Variants in AKAP9 observed in about 807,000 individuals in gnomAD.
AKAP9 encodes A-kinase anchoring protein 9.
Under a neutral mutation model 488.5 loss-of-function variants are expected in AKAP9, and 311 were observed. The ratio of observed to expected loss-of-function variants is 0.64; its 90% CI spans 0.58 to 0.70. The LOEUF (loss-of-function observed/expected upper bound fraction) is 0.70, where lower values mean the gene tolerates loss of function less well. AKAP9 is among the 30% of genes least tolerant of loss of function. AKAP9 has a pLI of 0.00. For synonymous variants in AKAP9, 1,462 were observed against 1,483.5 expected (o/e 0.99, Z 0.33); for missense variants, 4,215 against 4,374.5 (o/e 0.96, Z 1.03).
intron 8 of AKAP9, among the ~76,000 whole-genome samples, chr7:92,003,439 A>G (rs1168618954): frequency 6.6e-6 from 1 of 151,922 alleles, no homozygotes; most frequent in Non-Finnish European, 1.5e-5. Flanking sequence ...CTTTCAGTTA[A>G]TCTATCTTGT....
At chr7:92,017,350 A>G (rs1332211233) in intron 12 of AKAP9, among the ~76,000 whole-genome samples, 1 of 152,084 alleles carries the variant, frequency 6.6e-6, no homozygotes, top group Non-Finnish European at 1.5e-5. Flanking sequence ...TCAACTTGTA[A>G]ACTGTGTGAA....
intron 12 of AKAP9, among the ~76,000 whole-genome samples, chr7:92,019,245 G>A (rs1237646837): frequency 4.6e-5 from 7 of 151,422 alleles, no homozygotes; most frequent in Admixed American, 1.3e-4. Context: ...AGGTTCAAGC[G>A]ATTCTCCTGC....
Position 92,083,663 on chromosome 7 carries a change from GT to G in AKAP9, c.8646+13del, listed in dbSNP as rs768069915. 9.9e-6 allele frequency: 16 copies of G among 1,609,244 alleles called. No individual in the cohort carries two copies. Among genetic ancestry groups the G allele is most frequent in the Non-Finnish European group, 1.4e-5 (16 of 1,178,990 alleles). On this transcript the variant is annotated intron_variant, in intron 33 of 49. Transcript: ENST00000356239. ...TGTCTGAGAAGTAAAGAGGTATTTG[GT>G]TTTTATAATATGTGTTTTTCAACAT... is the stretch of plus-strand genomic sequence containing the variant.
intron 21 of AKAP9, 95 bp downstream of exon 21, chr7:92,045,308 A>T: frequency 8.2e-7 from 1 of 1,216,114 alleles, no homozygotes; most frequent in Non-Finnish European, 1.2e-6. Flanking sequence ...AGAGAAAATA[A>T]GTATTTTCCA....
intron 22 of AKAP9, among the ~76,000 whole-genome samples, chr7:92,060,617 ATC>A (rs1809602993): frequency 6.6e-6 from 1 of 152,148 alleles, no homozygotes; most frequent in Non-Finnish European, 1.5e-5. Context: ...ATTTTAAGGA[ATC>A]TGTGTTTATG....
At chr7:92,076,184 T>C (rs1003537697) in intron 28 of AKAP9, among the ~76,000 whole-genome samples, 15 of 152,226 alleles carry the variant, frequency 9.9e-5, no homozygotes, top group African/African-American at 3.6e-4. Context: ...TTTCAGTCTC[T>C]AACCATCAAA....
At chr7:92,072,649 A>G (rs1024797082) in intron 28 of AKAP9, among the ~76,000 whole-genome samples, 13 of 152,182 alleles carry the variant, frequency 8.5e-5, no homozygotes, top group African/African-American at 3.1e-4. Flanking sequence ...AGAACTCTAA[A>G]AGAAAGGAGT....
intron 12 of AKAP9, 40 bp downstream of exon 12, chr7:92,017,142 T>C: frequency 7.1e-7 from 1 of 1,417,726 alleles, no homozygotes; most frequent in Non-Finnish European, 9.8e-7. Flanking sequence ...TTTGCATTTA[T>C]TGTATTGTCT....
At chr7:92,041,917 C>G (rs542732189) in intron 18 of AKAP9, 129 bp from the exon 19 acceptor site, 1 of 964,284 alleles carries the variant, frequency 1.0e-6, no homozygotes. Flanking sequence ...TAACCCCTTA[C>G]GATGGAATAT....
At chr7:92,010,543 A>T (rs913073328) in intron 8 of AKAP9, among the ~76,000 whole-genome samples, 19 of 152,310 alleles carry the variant, frequency 1.2e-4, no homozygotes, top group East Asian at 1.2e-3. Context: ...TTCATCTGTT[A>T]TGCAGCCTGA....
chr7:92,060,930 C>G (rs1416465217), intron 22 of AKAP9, among the ~76,000 whole-genome samples: 2 of 152,128 alleles, frequency 1.3e-5, no homozygotes, highest in Non-Finnish European at 2.9e-5. Context: ...ATACAATAAA[C>G]GCCTGTGCTT....
intron 33 of AKAP9, among the ~76,000 whole-genome samples, chr7:92,084,137 C>A (rs1428224569): frequency 1.3e-5 from 2 of 152,182 alleles, no homozygotes; most frequent in African/African-American, 4.8e-5. Context: ...TCATCTATGT[C>A]CCTGCAAATG....
At chr7:92,027,363 G>T (rs1262830489) in intron 14 of AKAP9, among the ~76,000 whole-genome samples, 1 of 133,828 alleles carries the variant, frequency 7.5e-6, no homozygotes, top group Non-Finnish European at 1.6e-5. Flanking sequence ...CGGCCGCCTC[G>T]TCTGGGATGT....
intron 26 of AKAP9, among the ~76,000 whole-genome samples, chr7:92,069,128 C>T (rs1476703992): frequency 6.6e-6 from 1 of 152,170 alleles, no homozygotes; most frequent in Non-Finnish European, 1.5e-5. Flanking sequence ...ACCCCTTCAT[C>T]CTTAGCTCTT....
intron 47 of AKAP9, 41 bp from the exon 48 acceptor site, chr7:92,107,252 A>G: frequency 6.2e-7 from 1 of 1,609,586 alleles, no homozygotes. Flanking sequence ...AGGTCTTGGG[A>G]TTTTATTTTT....
chr7:92,092,189 T>C (rs930650277), intron 38 of AKAP9: 1 of 152,216 alleles, frequency 6.6e-6, no homozygotes, highest in Non-Finnish European at 1.5e-5. Context: ...TTTTTTTCAT[T>C]TAACATACTG....
chr7:91,983,598 C>T (rs140389794), intron 3 of AKAP9, among the ~76,000 whole-genome samples: 2,761 of 152,246 alleles, frequency 0.018, 45 homozygotes, highest in Non-Finnish European at 0.027. Context: ...AATGGTATTT[C>T]TAGTTCTAGA....
chr7:92,108,750 G>C (rs200214399), intron 49 of AKAP9, 117 bp downstream of exon 49: 18 of 1,250,590 alleles, frequency 1.4e-5, no homozygotes, highest in Non-Finnish European at 1.4e-5. Flanking sequence ...TAGTGCATGA[G>C]CTAATTATTA....
chr7:91,945,234 C>T (rs888194764), intron 1 of AKAP9, among the ~76,000 whole-genome samples: 1 of 152,084 alleles, frequency 6.6e-6, no homozygotes, highest in Non-Finnish European at 1.5e-5. Context: ...AGGTGGGGCG[C>T]AGTGGCTCAC....
Sources: allele counts gnomAD v4.1 joint callset (sites outside exome capture counted in the v4.1 genomes callset), GRCh38; gene constraint gnomAD v4.1.1; transcripts MANE v1.5; gene names NCBI Gene and HGNC (gene_info 2026-07-23, HGNC 2026-07-21).